The following PAH variants were observed in gnomAD, a reference collection of about 807,000 sequenced individuals.
The protein encoded by PAH is phenylalanine hydroxylase.
A neutral mutation model predicts 62.0 loss-of-function variants in PAH; 64 were observed. That is an observed-to-expected ratio of 1.03 (90% CI 0.84 to 1.27). The LOEUF is 1.27. PAH is among the 50% of genes most tolerant of loss of function. The pLI, the probability that PAH is intolerant of heterozygous loss-of-function variation, is 0.00. For missense variants in PAH, 579 were observed against 542.8 expected, an observed-to-expected ratio of 1.07 and a Z score of -0.66; for synonymous variants, 195 against 196.2, an observed-to-expected ratio of 0.99 and a Z score of 0.05.
chr12:102,906,061 T>C (rs1877964167), intron 2 of PAH, among the ~76,000 whole-genome samples: 1 of 152,120 alleles, frequency 6.6e-6, no homozygotes. Context: ...AAATACAATG[T>C]GTAGACAAAT....
Position 102,876,040 on chromosome 12 carries a change from A to AT in PAH, c.441+1421dup, listed in dbSNP as rs34089141. Among the ~76,000 whole-genome samples the AT allele has an allele frequency of 5.3e-3, 790 of 148,254 alleles. 6 individuals are homozygous for AT. The highest frequency in any genetic ancestry group is 0.017 in the African/African-American group (670 of 40,520). ...TTTTAGAATAGTGTGATAATAGGTG[A>AT]TTTTTTTTTTTCTGTTTGGAAGTCT... On this transcript the variant is annotated intron_variant, in intron 4 of 12. Coordinates refer to ENST00000553106, the MANE Select transcript of PAH (RefSeq NM_000277.3).
In PAH at chr12:102,902,247, G is replaced by A. The variant is rs565156255; in HGVS notation, c.169-7329C>T. On this transcript the variant is annotated intron_variant, in intron 2 of 12. Transcript: ENST00000553106. Reference sequence around the variant, plus strand: ...AGGAGACCGGTGTGACTGGGGCAGAGTGAGCAGGAAGCGGGGGTGTGAAGA... The same window carrying A: ...AGGAGACCGGTGTGACTGGGGCAGAATGAGCAGGAAGCGGGGGTGTGAAGA... 2.3e-4 allele frequency among the ~76,000 whole-genome samples: 35 copies of A among 152,354 alleles called. No homozygotes were observed. The South Asian group carries it at 3.7e-3, about 16-fold the overall frequency.
chr12:102,905,136 G>A (rs1877925882), intron 2 of PAH, among the ~76,000 whole-genome samples: 1 of 152,188 alleles, frequency 6.6e-6, no homozygotes, highest in Non-Finnish European at 1.5e-5. Context: ...GGCATAGCAA[G>A]ACCAGTAAGT....
chr12:102,901,091 C>G (rs949648744), intron 2 of PAH, among the ~76,000 whole-genome samples: 94 of 152,226 alleles, frequency 6.2e-4, no homozygotes, highest in Non-Finnish European at 9.6e-4. Context: ...TTTAAGAAAG[C>G]CTTTCTAAAG....
At chr12:102,895,426 G>A (rs920773148) in intron 2 of PAH, among the ~76,000 whole-genome samples, 2 of 152,096 alleles carry the variant, frequency 1.3e-5, no homozygotes, top group Admixed American at 6.5e-5. Context: ...TTTTCCATCT[G>A]TAACTTGCTG....
At chr12:102,892,256 C>T (rs1044036444) in intron 3 of PAH, among the ~76,000 whole-genome samples, 9 of 152,112 alleles carry the variant, frequency 5.9e-5, no homozygotes, top group African/African-American at 1.4e-4. Flanking sequence ...GCCTGTTTTA[C>T]GGGGTGGATC....
chr12:102,839,301 G>T, intron 12 of PAH, 83 bp from the exon 13 acceptor site: 2 of 1,336,388 alleles, frequency 1.5e-6, no homozygotes, highest in South Asian at 1.2e-5. Flanking sequence ...AAGCACTAGG[G>T]GATAAGTGGG....
intron 3 of PAH, among the ~76,000 whole-genome samples, chr12:102,881,702 C>A (rs1876819460): frequency 1.3e-5 from 2 of 152,198 alleles, no homozygotes; most frequent in Admixed American, 6.5e-5. Context: ...TAAGTGAGAT[C>A]AAGCAGTATT....
intron 3 of PAH, among the ~76,000 whole-genome samples, chr12:102,894,518 T>A (rs1009488893): frequency 6.6e-6 from 1 of 151,886 alleles, no homozygotes; most frequent in African/African-American, 2.4e-5. Context: ...ACCAGGCACT[T>A]GCCTAGGTCC....
chr12:102,912,732 A>C, intron 2 of PAH, 59 bp downstream of exon 2: 1 of 1,212,818 alleles, frequency 8.2e-7, no homozygotes, highest in Non-Finnish European at 1.2e-6. Context: ...ATCTAACTAG[A>C]AAAGAACATG....
intron 8 of PAH, among the ~76,000 whole-genome samples, chr12:102,849,948 A>G (rs932851485): frequency 5.3e-5 from 8 of 152,158 alleles, no homozygotes; most frequent in African/African-American, 1.9e-4. Flanking sequence ...TGATGCCCCA[A>G]GAGCTCCTGT....
At chr12:102,956,168 C>A (rs1343468371) in intron 1 of PAH, among the ~76,000 whole-genome samples, 1 of 152,226 alleles carries the variant, frequency 6.6e-6, no homozygotes, top group African/African-American at 2.4e-5. Flanking sequence ...GCACCCAGAT[C>A]TCGGATTATT....
chr12:102,853,269 T>C, intron 6 of PAH: 1 of 368,248 alleles, frequency 2.7e-6, no homozygotes, highest in East Asian at 6.6e-5. Flanking sequence ...ATGCAATAAA[T>C]TTAGCTTTCA....
At chr12:102,892,451 T>C (rs1346196944) in intron 3 of PAH, among the ~76,000 whole-genome samples, 1 of 152,216 alleles carries the variant, frequency 6.6e-6, no homozygotes, top group Non-Finnish European at 1.5e-5. Flanking sequence ...CTTGAATCAG[T>C]TGAAAACTTA....
chr12:102,853,564 C>A (rs1411288965), intron 6 of PAH: 1 of 160,314 alleles, frequency 6.2e-6, no homozygotes, highest in African/African-American at 2.4e-5. Context: ...ATGCAATGGA[C>A]TATGCTCTAT....
chr12:102,845,708 T>C (rs1764624932), intron 9 of PAH, among the ~76,000 whole-genome samples: 1 of 152,130 alleles, frequency 6.6e-6, no homozygotes, highest in Admixed American at 6.6e-5. Context: ...CTGGGAGGGC[T>C]GTCAGAGCTC....
intron 1 of PAH, among the ~76,000 whole-genome samples, chr12:102,949,282 G>C (rs2136774096): frequency 6.6e-6 from 1 of 152,232 alleles, no homozygotes. Flanking sequence ...CATAATCCTG[G>C]CACCAGCAAG....
At chr12:102,909,362 C>T (rs940120359) in intron 2 of PAH, among the ~76,000 whole-genome samples, 3 of 152,134 alleles carry the variant, frequency 2.0e-5, no homozygotes, top group Non-Finnish European at 2.9e-5. Flanking sequence ...ATACCATCAA[C>T]ATGACATCAC....
chr12:102,872,850 C>G (rs1464091350), intron 4 of PAH, among the ~76,000 whole-genome samples: 1 of 152,164 alleles, frequency 6.6e-6, no homozygotes, highest in African/African-American at 2.4e-5. Context: ...CACCTGTAAT[C>G]CCAGCTATGT....
Sources: allele counts gnomAD v4.1 joint callset (sites outside exome capture counted in the v4.1 genomes callset), GRCh38; gene constraint gnomAD v4.1.1; transcripts MANE v1.5; gene names NCBI Gene and HGNC (gene_info 2026-07-23, HGNC 2026-07-21).